SZT2: variants seen among roughly 807,000 people sequenced by gnomAD.
SZT2 encodes SZT2 subunit of KICSTOR complex.
SZT2 carries 216 observed loss-of-function variants against 404.2 expected under a neutral mutation model. The ratio of observed to expected loss-of-function variants is 0.53; its 90% CI spans 0.48 to 0.60. SZT2 has a LOEUF of 0.60. SZT2 is among the 20% of genes least tolerant of loss of function. The pLI, the probability that SZT2 is intolerant of heterozygous loss-of-function variation, is 0.00. For synonymous variants in SZT2, 1,693 were observed against 1,749.9 expected (o/e 0.97, Z 0.81); for missense variants, 3,857 against 4,459.2 (o/e 0.86, Z 3.85).
rs1570767689 is a variant in SZT2, at chr1:43,453,398, A to C, written c.*2918A>C. 1 of 1,554,672 alleles carries C rather than the reference A, an allele frequency of 6.4e-7. No homozygotes were observed. Among genetic ancestry groups the C allele is most frequent in the Non-Finnish European group, 8.7e-7 (1 of 1,148,268 alleles). On this transcript the variant is annotated 3_prime_UTR_variant, in exon 72 of 72. Coordinates refer to ENST00000634258, the MANE Select transcript of SZT2 (RefSeq NM_001365999.1). ...TGGAGCGGGGTACCTGGGACAGCCC[A>C]GGGCTTTGGCATACCGCACGGCCTG...
chr1:43,408,605 G>A (rs987545574), intron 4 of SZT2, among the ~76,000 whole-genome samples: 1 of 151,940 alleles, frequency 6.6e-6, no homozygotes, highest in Non-Finnish European at 1.5e-5. Context: ...TATAGTATGG[G>A]CATTCTTGTG....
In SZT2 at chr1:43,426,570, C is replaced by A; in HGVS notation, c.3214+32C>A. 6.6e-7 allele frequency: 1 copy of A among 1,526,052 alleles called. No individual in the cohort carries two copies. 94.5% of individuals were successfully genotyped at this position (1,526,052 alleles called of 1,614,324 possible). A position where few individuals can be genotyped will look rare whatever the true frequency, so the allele number is the denominator to read the frequency against. On this transcript the variant is annotated intron_variant, in intron 22 of 71. Transcript: ENST00000634258. The surrounding 1 kb of genome is among the most constrained non-coding windows in gnomAD (Gnocchi z 4.9). Reference sequence around the variant, plus strand: ...TCCCCACATCCTCCTGACACCAGACCCTGGCCCAGCCCTTTTCCCCCACCC... The same window carrying A: ...TCCCCACATCCTCCTGACACCAGACACTGGCCCAGCCCTTTTCCCCCACCC...
chr1:43,424,373 A>G lies in SZT2; in HGVS notation c.2412A>G (p.Ser804=). The change falls in exon 16 of 72, where the codon TCA becomes TCG. Residue 804 remains serine (S), a synonymous_variant. Coordinates refer to ENST00000634258, the MANE Select transcript of SZT2 (RefSeq NM_001365999.1). This position sits in a 1 kb window ranked among gnomAD's most constrained non-coding sequence, Gnocchi z 4.1. ...AGCGCTGGCTTTGGAGTGTCCCGTCAGGACTGGCCCCTGCGCTGCCTCTCA... is the reference window on the plus strand; with the variant it reads ...AGCGCTGGCTTTGGAGTGTCCCGTCGGGACTGGCCCCTGCGCTGCCTCTCA... ...YHQRWLWSVP[S]GLAPALPLSA... 2 of 1,598,088 alleles carry G rather than the reference A, an allele frequency of 1.3e-6. No homozygotes were observed. Among genetic ancestry groups the G allele is most frequent in the East Asian group, 2.2e-5 (1 of 44,878 alleles).
intron 8 of SZT2, 44 bp downstream of exon 8, chr1:43,419,988 A>T: frequency 1.3e-6 from 2 of 1,594,354 alleles, no homozygotes; most frequent in Non-Finnish European, 1.7e-6. Context: ...GGGAATATAG[A>T]ATGGGCCCAG....
intron 1 of SZT2, among the ~76,000 whole-genome samples, chr1:43,400,798 G>T (rs1230429116): frequency 6.6e-6 from 1 of 152,104 alleles, no homozygotes; most frequent in Non-Finnish European, 1.5e-5. Flanking sequence ...CTTGAACCCA[G>T]GAGGCGGAGG....
At chr1:43,416,244 G>A in intron 6 of SZT2, 143 bp downstream of exon 6, 1 of 1,096,700 alleles carries the variant, frequency 9.1e-7, no homozygotes, top group Non-Finnish European at 1.3e-6. Context: ...ATGTAAGTCT[G>A]TATTAGTGTG....
At chr1:43,435,753 G>C (rs184170343) in intron 42 of SZT2, 7 of 160,628 alleles carry the variant, frequency 4.4e-5, no homozygotes, top group East Asian at 3.7e-4. Context: ...AGCCAGGGGA[G>C]GGGGAGAGGT....
intron 13 of SZT2, 41 bp downstream of exon 13, chr1:43,422,673 C>T (rs1570630563): frequency 3.1e-6 from 3 of 971,950 alleles, no homozygotes; most frequent in East Asian, 1.3e-4. Context: ...CCCCCCCACC[C>T]CCCCGCCACC....
At position 43,447,320 on chromosome 1, in the gene SZT2, G is replaced by C. The variant is rs553454101; in HGVS notation, c.9286+152G>C. ...TACCACGTCCCCATGTTTCTGTCCT[G>C]TGTCTGTTTCTTACCAGAGTTTGGA... On this transcript the variant is annotated intron_variant, in intron 66 of 71. Transcript: ENST00000634258. The C allele has an allele frequency of 7.1e-6, 8 of 1,125,412 alleles. No individual in the cohort carries two copies. The South Asian group carries it at 1.2e-4, about 17-fold the overall frequency. The allele number at this position is 1,125,412 out of a possible 1,614,324, so 69.7% of individuals were successfully genotyped here.
At chr1:43,444,171 A>G (rs754298457) in intron 62 of SZT2, among the ~76,000 whole-genome samples, 20 of 152,054 alleles carry the variant, frequency 1.3e-4, no homozygotes, top group Non-Finnish European at 2.6e-4. Flanking sequence ...ATCTCGGCTC[A>G]CTGCAACCTC....
intron 32 of SZT2, 42 bp from the exon 33 acceptor site, chr1:43,430,907 T>A: frequency 1.3e-6 from 2 of 1,598,416 alleles, no homozygotes; most frequent in Non-Finnish European, 8.5e-7. Flanking sequence ...TCTGTGCTTG[T>A]CTTAGAGCCC....
At chr1:43,447,320 GTGTC>G (rs1655795848) in intron 66 of SZT2, 152 bp downstream of exon 66, 1 of 1,125,412 alleles carries the variant, frequency 8.9e-7, no homozygotes, top group Non-Finnish European at 1.3e-6. Flanking sequence ...TTTCTGTCCT[GTGTC>G]TGTTTCTTAC....
At chr1:43,409,626 GCAGA>G (rs1570585403) in intron 4 of SZT2, 1 of 198,016 alleles carries the variant, frequency 5.1e-6, no homozygotes, top group African/African-American at 2.3e-5. Flanking sequence ...TATGTCAGCA[GCAGA>G]CAATGTGAAG....
chr1:43,422,846 GT>G lies in SZT2; in HGVS notation c.2004del (p.Ile670LeufsTer15). On this transcript the variant is annotated frameshift_variant, in exon 14 of 72. Coordinates refer to ENST00000634258, the MANE Select transcript of SZT2 (RefSeq NM_001365999.1). LOFTEE classifies it high-confidence loss of function. ...SKAPCMVLRL[G>X]FPIGTPAPAR... is the part of the protein sequence containing the mutation. ...GCCCCATGCATGGTTCTTCGCCTGG[GT>G]TTTCCCATTGGCACACCAGCACCGG... 6.3e-7 allele frequency: 1 copy of G among 1,592,650 alleles called. No individual in the cohort carries two copies. Among genetic ancestry groups the G allele is most frequent in the Admixed American group, 1.7e-5 (1 of 59,422 alleles).
chr1:43,447,774 T>C (rs1655861030), intron 67 of SZT2, 75 bp from the exon 68 acceptor site: 2 of 1,610,784 alleles, frequency 1.2e-6, no homozygotes, highest in Non-Finnish European at 1.7e-6. Context: ...GGGAGACCAA[T>C]GTTTTCTTGG....
rs143953688 is a variant in SZT2 at position 43,434,410 on chromosome 1, G to A, written c.5829G>A (p.Gly1943=). 2 of 1,596,954 alleles carry A rather than the reference G, an allele frequency of 1.3e-6. No homozygotes were observed. Among genetic ancestry groups the A allele is most frequent in the Non-Finnish European group, 1.7e-6 (2 of 1,173,440 alleles). The change falls in exon 41 of 72, where the codon GGG becomes GGA. Residue 1943 remains glycine, a synonymous_variant. Coordinates refer to ENST00000634258, the MANE Select transcript of SZT2 (RefSeq NM_001365999.1). ...HARSLIREDG[G]PGTECRHLQQ... is the part of the protein sequence containing the mutation. ...GGAGCCTGATTCGGGAGGATGGGGG[G>A]CCGGGCACTGAGTGTCGCCACCTGC... is the stretch of plus-strand genomic sequence containing the variant.
chr1:43,442,239 C>A lies in SZT2; in HGVS notation c.7874-29C>A. 6.2e-7 allele frequency: 1 copy of A among 1,606,320 alleles called. No individual in the cohort carries two copies. Among genetic ancestry groups the A allele is most frequent in the Non-Finnish European group, 8.5e-7 (1 of 1,175,954 alleles). The stretch of plus-strand genomic sequence containing the variant: ...GATCAAGGGGGATCTGTTCCCAGGC[C>A]CCTATTGTGCCCCTCCCCCACCCTG... On this transcript the variant is annotated intron_variant, in intron 56 of 71. Transcript: ENST00000634258. This position sits in a 1 kb window ranked among gnomAD's most constrained non-coding sequence, Gnocchi z 4.5.
In SZT2 at chr1:43,437,635, G is replaced by A. The variant is rs2153935054; in HGVS notation, c.6331G>A (p.Asp2111Asn). The A allele has an allele frequency of 7.4e-6, 12 of 1,614,100 alleles. No individual in the cohort carries two copies. Among genetic ancestry groups the A allele is most frequent in the Non-Finnish European group, 1.0e-5 (12 of 1,180,010 alleles). ...TSCSDRPWKG[D>N]ALPPSLALSR... ...CTGCAGTGACCGGCCATGGAAAGGG[G>A]ATGCGCTGCCCCCTTCCCTCGCTCT... Residue 2111 changes from aspartate to asparagine, a missense_variant, in exon 45 of 72, where the codon GAT becomes AAT. Physicochemically the swap from Asp to Asn is conservative, Grantham distance 23 (BLOSUM62 1). Around this residue, in one of 7 missense-constraint regions of SZT2, gnomAD observed 261 missense variants for 372.9 expected, o/e 0.70. Transcript: ENST00000634258. This position sits in a 1 kb window ranked among gnomAD's most constrained non-coding sequence, Gnocchi z 5.3.
chr1:43,402,166 G>T (rs1388322013), intron 1 of SZT2, among the ~76,000 whole-genome samples: 2 of 152,166 alleles, frequency 1.3e-5, no homozygotes, highest in African/African-American at 4.8e-5. Context: ...TTGCCACCTG[G>T]TGTTCTTTCC....
Sources: gnomAD v4.1 joint callset for allele counts (sites outside exome capture counted in the v4.1 genomes callset) on GRCh38, gnomAD v4.1.1 for gene constraint, gnomAD v4.1.1 regional missense constraint, Gnocchi (gnomAD v3.1) non-coding constraint, MANE v1.5 for transcripts, NCBI Gene and HGNC (gene_info 2026-07-23, HGNC 2026-07-21) for gene names.